The following ACAD9 variants were observed in gnomAD, a reference collection of about 807,000 sequenced individuals.
The protein encoded by ACAD9 is acyl-CoA dehydrogenase family member 9.
A neutral mutation model predicts 70.2 loss-of-function variants in ACAD9; 53 were observed. The observed-to-expected ratio is 0.75, with a 90% CI of 0.61 to 0.95. ACAD9 has a LOEUF of 0.95. Among genes scored for constraint, ACAD9 ranks in the 40% least tolerant of loss-of-function variants. ACAD9 has a pLI of 0.00. For synonymous variants in ACAD9, 313 were observed against 312.1 expected (o/e 1.00, Z -0.03); for missense variants, 777 against 802.8 (o/e 0.97, Z 0.39).
Position 128,902,627 on chromosome 3 carries a change from T to C in ACAD9, c.957T>C (p.Ile319=), listed in dbSNP as rs767874298. ...TGGCTGGGCTGCTCAAGAGATTGAT[T>C]GGTAGGTAAGTTAGGGACAAGGCCC... ...SVVAGLLKRL[I]EMTAEYACTR... The change falls in exon 9 of 18, where the codon ATT becomes ATC. Residue 319 remains isoleucine (I), a splice_region_variant and synonymous_variant. Coordinates refer to ENST00000308982, the MANE Select transcript of ACAD9 (RefSeq NM_014049.5). This position sits in a 1 kb window ranked among gnomAD's most constrained non-coding sequence, Gnocchi z 4.0. The C allele has an allele frequency of 2.5e-6, 4 of 1,614,104 alleles. No individual in the cohort carries two copies. Among genetic ancestry groups the C allele is most frequent in the Non-Finnish European group, 3.4e-6 (4 of 1,179,970 alleles).
chr3:128,880,042 C>T (rs549094838), intron 1 of ACAD9: 1 of 1,532,840 alleles, frequency 6.5e-7, no homozygotes, highest in Non-Finnish European at 8.8e-7. Context: ...AGACGGGGGA[C>T]CCTTGGAAAT....
intron 17 of ACAD9, among the ~76,000 whole-genome samples, chr3:128,912,247 G>A (rs1010140002): frequency 7.2e-5 from 11 of 152,182 alleles, no homozygotes; most frequent in African/African-American, 2.4e-4. Flanking sequence ...GGCTGTTTAC[G>A]GAGCAAGTGC....
intron 2 of ACAD9, among the ~76,000 whole-genome samples, chr3:128,885,124 G>T (rs1935208906): frequency 6.6e-6 from 1 of 152,188 alleles, no homozygotes; most frequent in African/African-American, 2.4e-5. Flanking sequence ...GTTTCTAAAG[G>T]TTGAGTTTCA....
chr3:128,880,703 A>T (rs1935064927), intron 1 of ACAD9, among the ~76,000 whole-genome samples: 1 of 152,106 alleles, frequency 6.6e-6, no homozygotes, highest in Non-Finnish European at 1.5e-5. Context: ...CAGTTCTTTC[A>T]GCCTTAAAAT....
intron 5 of ACAD9, 152 bp downstream of exon 5, chr3:128,896,688 C>T (rs1431748520): frequency 1.3e-6 from 1 of 781,688 alleles, no homozygotes; most frequent in African/African-American, 1.7e-5. Context: ...CTTGCCATTC[C>T]TCTTATCTTG....
chr3:128,894,341 C>T (rs1935505395), intron 3 of ACAD9, among the ~76,000 whole-genome samples: 1 of 152,168 alleles, frequency 6.6e-6, no homozygotes, highest in Non-Finnish European at 1.5e-5. Flanking sequence ...GGCAGTGGGT[C>T]ACACTATAGT....
chr3:128,908,611 T>C (rs1251913206), intron 13 of ACAD9: 10 of 540,000 alleles, frequency 1.9e-5, no homozygotes, highest in Non-Finnish European at 3.0e-5. Context: ...GTGTTTCTCT[T>C]CTCTGCCCTT....
intron 14 of ACAD9, 59 bp from the exon 15 acceptor site, chr3:128,909,285 A>G (rs1936029063): frequency 1.2e-6 from 2 of 1,605,318 alleles, no homozygotes; most frequent in Non-Finnish European, 1.7e-6. Flanking sequence ...CCGGGCTGTG[A>G]GACAGGACAG....
intron 12 of ACAD9, among the ~76,000 whole-genome samples, chr3:128,907,067 A>C (rs1935914764): frequency 6.6e-6 from 1 of 151,962 alleles, no homozygotes; most frequent in African/African-American, 2.4e-5. Context: ...GACCTAAGAG[A>C]GCACAGCAGG....
At chr3:128,906,299 G>C (rs748331082) in intron 12 of ACAD9, 50 bp downstream of exon 12, 4 of 1,610,674 alleles carry the variant, frequency 2.5e-6, no homozygotes, top group Non-Finnish European at 3.4e-6. Context: ...CACCCTGCCT[G>C]GTCCTAAAGA....
chr3:128,908,293 CA>C, intron 13 of ACAD9, 29 bp downstream of exon 13: 1 of 1,613,272 alleles, frequency 6.2e-7, no homozygotes, highest in African/African-American at 1.3e-5. Flanking sequence ...GTGTGCTTCT[CA>C]GGTCCCATAC....
At chr3:128,904,554 A>G in intron 11 of ACAD9, 49 bp downstream of exon 11, 5 of 1,596,178 alleles carry the variant, frequency 3.1e-6, no homozygotes, top group Middle Eastern at 1.7e-4. Context: ...GGCTTGGGAA[A>G]TCTCCCTCAC....
At position 128,904,451 on chromosome 3, in the gene ACAD9, G is replaced by A. The variant is rs1225415681; in HGVS notation, c.1095G>A (p.Gly365=). 2 of 1,614,122 alleles carry A rather than the reference G, an allele frequency of 1.2e-6. No homozygotes were observed. The highest frequency in any genetic ancestry group is 2.7e-5 in the African/African-American group (2 of 74,952). ...AGAGTATGACCTACCTCACAGCAGG[G>A]ATGCTGGACCAACCTGGCTTTCCCG... is the stretch of plus-strand genomic sequence containing the variant. ...VMESMTYLTA[G]MLDQPGFPDC... Residue 365 remains glycine (G), a synonymous_variant, in exon 11 of 18, where the codon GGG becomes GGA. Coordinates refer to ENST00000308982, the MANE Select transcript of ACAD9 (RefSeq NM_014049.5).
At chr3:128,890,175 T>C (rs1216484112) in intron 2 of ACAD9, among the ~76,000 whole-genome samples, 2 of 151,800 alleles carry the variant, frequency 1.3e-5, no homozygotes, top group Non-Finnish European at 2.9e-5. Flanking sequence ...GCAACCTCCA[T>C]CTCCCAGGTT....
At chr3:128,903,963 G>T in intron 9 of ACAD9, 99 bp from the exon 10 acceptor site, 1 of 1,286,750 alleles carries the variant, frequency 7.8e-7, no homozygotes, top group Non-Finnish European at 1.1e-6. Flanking sequence ...GCTTCTCACA[G>T]TGCCCACCTG....
intron 15 of ACAD9, 99 bp from the exon 16 acceptor site, chr3:128,909,922 C>A: frequency 6.5e-7 from 1 of 1,532,492 alleles, no homozygotes; most frequent in Non-Finnish European, 8.9e-7. Context: ...TCTCAAGGAA[C>A]ACAGGAGACT....
At chr3:128,890,336 T>C (rs193068531) in intron 2 of ACAD9, among the ~76,000 whole-genome samples, 37 of 152,174 alleles carry the variant, frequency 2.4e-4, no homozygotes, top group African/African-American at 7.9e-4. Context: ...TCTGCCCGAC[T>C]CGGCCTCCCA....
At chr3:128,905,037 T>C (rs1353773678) in intron 11 of ACAD9, among the ~76,000 whole-genome samples, 1 of 151,842 alleles carries the variant, frequency 6.6e-6, no homozygotes, top group Non-Finnish European at 1.5e-5. Flanking sequence ...CCCCAGCTAC[T>C]TGGGAAGCTG....
intron 2 of ACAD9, among the ~76,000 whole-genome samples, chr3:128,889,187 T>TAA (rs1381356019): frequency 6.6e-6 from 1 of 150,998 alleles, no homozygotes; most frequent in Non-Finnish European, 1.5e-5. Flanking sequence ...AAACAAAAAA[T>TAA]ATTTAACAGT....
Sources: gnomAD v4.1 joint callset for allele counts (sites outside exome capture counted in the v4.1 genomes callset) on GRCh38, gnomAD v4.1.1 for gene constraint, Gnocchi (gnomAD v3.1) non-coding constraint, MANE v1.5 for transcripts, NCBI Gene and HGNC (gene_info 2026-07-23, HGNC 2026-07-21) for gene names.